The following SCP2 variants were observed in gnomAD, a reference collection of about 807,000 sequenced individuals.
SCP2 encodes SCP-2/3-oxoacyl-CoA thiolase.
A neutral mutation model predicts 71.4 loss-of-function variants in SCP2; 48 were observed. The observed-to-expected ratio is 0.67, with a 90% confidence interval of 0.53 to 0.86. SCP2 has a LOEUF of 0.86. Ranked by LOEUF, SCP2 falls within the 40% of genes least tolerant of loss-of-function variation. The pLI is 0.00. For missense variants in SCP2, 560 were observed against 655.6 expected (o/e 0.85, Z 1.59); for synonymous variants, 220 against 218.1 (o/e 1.01, Z -0.08).
In SCP2 at chr1:53,051,326, TA is replaced by T. The variant is rs1572245532; in HGVS notation, c.*623del. 6.6e-6 allele frequency: 1 copy of T among 152,198 alleles called. No homozygotes were observed. The allele number at this position is 152,198 out of a possible 1,614,324, so 9.4% of individuals were successfully genotyped here. A position where few individuals can be genotyped will look rare whatever the true frequency, so the allele number is the denominator to read the frequency against. The stretch of plus-strand genomic sequence containing the variant: ...AAAATATTTTTAACATGGGTTTCCT[TA>T]TTGAAAAATCAGTGTATTAGTCATA... On this transcript the variant is annotated 3_prime_UTR_variant, in exon 16 of 16. Coordinates refer to ENST00000371514, the MANE Select transcript of SCP2 (RefSeq NM_002979.5).
chr1:52,981,232 G>A (rs927554417), intron 10 of SCP2, among the ~76,000 whole-genome samples: 17 of 152,104 alleles, frequency 1.1e-4, no homozygotes, highest in African/African-American at 3.1e-4. Context: ...GCGCCCAGCC[G>A]TGATAATGTA....
At chr1:53,050,561 C>A in intron 15 of SCP2, 48 bp from the exon 16 acceptor site, 1 of 1,254,364 alleles carries the variant, frequency 8.0e-7, no homozygotes, top group Non-Finnish European at 1.2e-6. Flanking sequence ...CATCAGCAAT[C>A]TTAAAACAAA....
At position 52,974,784 on chromosome 1, in the gene SCP2, A is replaced by G. The variant is rs1657801839; in HGVS notation, c.539A>G (p.His180Arg). ...HMEKYGTKIE[H>R]FAKIGWKNHK... ...TTCTTTACAGGAACAAAAATTGAAC[A>G]CTTTGCAAAAATTGGATGGAAAAAT... Residue 180 changes from histidine (H) to arginine (R), a missense_variant, in exon 7 of 16, where the codon CAC becomes CGC. His to Arg is a conservative substitution (Grantham distance 29, BLOSUM62 0). This residue lies in a region of SCP2 where 513 missense variants were observed against 573.1 expected (regional missense o/e 0.90). Transcript: ENST00000371514. 1 of 1,544,668 alleles carries G rather than the reference A, an allele frequency of 6.5e-7. No homozygotes were observed. Among genetic ancestry groups the G allele is most frequent in the Non-Finnish European group, 9.0e-7 (1 of 1,116,746 alleles).
chr1:52,991,173 T>G (rs1282524689), intron 11 of SCP2, among the ~76,000 whole-genome samples: 1 of 152,214 alleles, frequency 6.6e-6, no homozygotes, highest in East Asian at 1.9e-4. Flanking sequence ...AATCCTAGTT[T>G]CTTATCTATA....
At chr1:52,947,894 A>G in intron 2 of SCP2, 115 bp from the exon 3 acceptor site, 1 of 732,290 alleles carries the variant, frequency 1.4e-6, no homozygotes, top group Non-Finnish European at 2.5e-6. Context: ...TGTCATTTGA[A>G]TTGAGCATAG....
chr1:53,021,134 G>A (rs1661690820), intron 12 of SCP2, among the ~76,000 whole-genome samples: 1 of 151,928 alleles, frequency 6.6e-6, no homozygotes, highest in Admixed American at 6.6e-5. Context: ...AGCCTCCTGA[G>A]TAGTTTGGAC....
At chr1:52,955,413 A>G (rs1655705668) in intron 5 of SCP2, among the ~76,000 whole-genome samples, 3 of 152,232 alleles carry the variant, frequency 2.0e-5, no homozygotes, top group South Asian at 2.1e-4. Flanking sequence ...CATTAAATTG[A>G]TACTACGTAA....
chr1:52,997,231 C>T (rs1378268287), intron 11 of SCP2, among the ~76,000 whole-genome samples: 8 of 152,232 alleles, frequency 5.3e-5, no homozygotes, highest in South Asian at 4.1e-4. Flanking sequence ...TGCAGTGATG[C>T]GATCTTGGCT....
intron 13 of SCP2, among the ~76,000 whole-genome samples, chr1:53,031,354 T>A (rs1662533980): frequency 6.6e-6 from 1 of 152,246 alleles, no homozygotes; most frequent in South Asian, 2.1e-4. Flanking sequence ...TGTTTCTTTC[T>A]CCTTCCCACG....
intron 4 of SCP2, 118 bp from the exon 5 acceptor site, chr1:52,954,622 C>T: frequency 1.2e-6 from 1 of 856,974 alleles, no homozygotes; most frequent in Non-Finnish European, 2.0e-6. Context: ...ACTGATGGGA[C>T]TATAAGTTCG....
intron 14 of SCP2, 67 bp downstream of exon 14, chr1:53,039,113 T>C: frequency 6.3e-7 from 1 of 1,582,608 alleles, no homozygotes; most frequent in South Asian, 1.1e-5. Context: ...GCTGGGAAAA[T>C]GGGGGTCTGC....
intron 1 of SCP2, among the ~76,000 whole-genome samples, chr1:52,931,693 T>C (rs1047735077): frequency 3.9e-5 from 6 of 152,226 alleles, no homozygotes; most frequent in African/African-American, 1.4e-4. Flanking sequence ...GCTTTATTCA[T>C]GCAGAGAGCT....
At chr1:52,953,994 A>G (rs1350028778) in intron 4 of SCP2, among the ~76,000 whole-genome samples, 1 of 150,350 alleles carries the variant, frequency 6.7e-6, no homozygotes, top group East Asian at 1.9e-4. Flanking sequence ...AAAAAAAAAC[A>G]AAAAAAACAA....
chr1:52,945,575 C>T (rs1042362465), intron 2 of SCP2, among the ~76,000 whole-genome samples: 4 of 151,766 alleles, frequency 2.6e-5, no homozygotes, highest in Non-Finnish European at 4.4e-5. Context: ...TGGTGGTGGG[C>T]GCCTGTAGTC....
intron 11 of SCP2, among the ~76,000 whole-genome samples, chr1:53,008,201 C>A (rs963328498): frequency 4.6e-5 from 7 of 152,150 alleles, no homozygotes; most frequent in Admixed American, 1.3e-4. Flanking sequence ...ACCAGAGGCA[C>A]AAAGAGGAGC....
At chr1:53,023,837 A>C (rs1168148192) in intron 12 of SCP2, among the ~76,000 whole-genome samples, 1 of 152,026 alleles carries the variant, frequency 6.6e-6, no homozygotes, top group East Asian at 1.9e-4. Context: ...TTTTCAATTT[A>C]GACTCTCCAC....
At chr1:52,962,890 A>T (rs60809666) in intron 6 of SCP2, among the ~76,000 whole-genome samples, 8,960 of 151,890 alleles carry the variant, frequency 0.059, 456 homozygotes, top group East Asian at 0.21. Context: ...AGATTATTAC[A>T]GGTGCCATAT....
At chr1:52,973,757 A>G (rs1657703499) in intron 6 of SCP2, among the ~76,000 whole-genome samples, 1 of 152,096 alleles carries the variant, frequency 6.6e-6, no homozygotes, top group African/African-American at 2.4e-5. Context: ...TGTTTTTACT[A>G]CGCCTGGCTA....
chr1:52,998,982 G>A (rs1660128746), intron 11 of SCP2, among the ~76,000 whole-genome samples: 1 of 152,190 alleles, frequency 6.6e-6, no homozygotes, highest in Non-Finnish European at 1.5e-5. Flanking sequence ...CAGGAAATCT[G>A]CAGTATCCTT....
Sources: gnomAD v4.1 joint callset for allele counts (sites outside exome capture counted in the v4.1 genomes callset) on GRCh38, gnomAD v4.1.1 for gene constraint, gnomAD v4.1.1 regional missense constraint, MANE v1.5 for transcripts, NCBI Gene and HGNC (gene_info 2026-07-23, HGNC 2026-07-21) for gene names.